Variants in STX2 observed in about 807,000 individuals in gnomAD.
The protein encoded by STX2 is syntaxin-2.
A neutral mutation model predicts 40.6 loss-of-function variants in STX2; 27 were observed. The observed-to-expected ratio is 0.66, with a 90% CI of 0.49 to 0.92. The LOEUF is 0.92. STX2 is among the 40% of genes least tolerant of loss of function. STX2 has a pLI of 0.00. For missense variants in STX2, 328 were observed against 366.1 expected (o/e 0.90, Z 0.85); for synonymous variants, 123 against 119.1 (o/e 1.03, Z -0.22).
At chr12:130,836,142 T>TGGGGC (rs1952750334) in intron 1 of STX2, among the ~76,000 whole-genome samples, 3 of 105,964 alleles carry the variant, frequency 2.8e-5, no homozygotes, top group Non-Finnish European at 3.7e-5. Context: ...ACACATTTCC[T>TGGGGC]GGGGCGGGGC....
intron 3 of STX2, among the ~76,000 whole-genome samples, chr12:130,815,355 C>A (rs865955104): frequency 1.3e-5 from 2 of 152,332 alleles, no homozygotes; most frequent in South Asian, 2.1e-4. Flanking sequence ...TGGCCTCCAT[C>A]CTCCTGTAGT....
chr12:130,805,432 C>A lies in STX2; in HGVS notation c.463+1550G>T, dbSNP rs193077471. On this transcript the variant is annotated intron_variant, in intron 6 of 10. Transcript: ENST00000392373. Reference sequence around the variant, plus strand: ...GTGGAGCCCAGGGGAAGTCCTAAGGCAAAGGCACAGAGCTCAGGGGAGACC... The same window carrying A: ...GTGGAGCCCAGGGGAAGTCCTAAGGAAAAGGCACAGAGCTCAGGGGAGACC... Among the ~76,000 whole-genome samples, 483 of 152,304 alleles carry A rather than the reference C, an allele frequency of 3.2e-3. 4 individuals carry two copies. Among genetic ancestry groups the A allele is most frequent in the South Asian group, 9.1e-3 (44 of 4,822 alleles).
Position 130,801,482 on chromosome 12 carries a change from C to A in STX2, c.470G>T (p.Arg157Ile), listed in dbSNP as rs74523053. The stretch of plus-strand genomic sequence containing the variant: ...TTCTAGCTCGTCGTCTGTGGTGGTT[C>A]TCCCAGCTGAAAGACCCGCAACCAC... ...RIQRQLEITGRTTTDDELEEM... is the reference protein window; with the variant it reads ...RIQRQLEITGITTTDDELEEM... The change falls in exon 7 of 11, where the codon AGA (arginine) becomes ATA (isoleucine). Residue 157 changes from arginine (R) to isoleucine (I), a missense_variant. Transcript: ENST00000392373. 6.2e-7 allele frequency: 1 copy of A among 1,600,022 alleles called. No homozygotes were observed. The highest frequency in any genetic ancestry group is 1.1e-5 in the South Asian group (1 of 88,460).
At chr12:130,837,707 G>A (rs996363016) in intron 1 of STX2, among the ~76,000 whole-genome samples, 2 of 152,144 alleles carry the variant, frequency 1.3e-5, no homozygotes, top group African/African-American at 2.4e-5. Flanking sequence ...GATTACAGGA[G>A]TGAGCCACAG....
chr12:130,829,078 C>G (rs905614901), intron 1 of STX2, among the ~76,000 whole-genome samples: 4 of 152,036 alleles, frequency 2.6e-5, no homozygotes, highest in Non-Finnish European at 5.9e-5. Flanking sequence ...TGTCAATCTT[C>G]CTGGTACCAC....
At chr12:130,814,604 T>C (rs1333394813) in intron 3 of STX2, among the ~76,000 whole-genome samples, 1 of 146,154 alleles carries the variant, frequency 6.8e-6, no homozygotes, top group Non-Finnish European at 1.5e-5. Context: ...AAGAAAGGCA[T>C]CAGCAAAGAT....
At chr12:130,827,474 TGGA>T (rs1952367425) in intron 1 of STX2, among the ~76,000 whole-genome samples, 2 of 152,296 alleles carry the variant, frequency 1.3e-5, no homozygotes, top group East Asian at 3.9e-4. Context: ...AGCCAGAAGG[TGGA>T]AGACCTGGAG....
At chr12:130,808,853 A>G in intron 4 of STX2, 149 bp from the exon 5 acceptor site, 1 of 696,702 alleles carries the variant, frequency 1.4e-6, no homozygotes, top group Non-Finnish European at 2.4e-6. Flanking sequence ...AATCTACTAA[A>G]AAGACAATCC....
intron 3 of STX2, among the ~76,000 whole-genome samples, chr12:130,820,598 G>A (rs935582182): frequency 1.1e-4 from 16 of 152,158 alleles, no homozygotes; most frequent in African/African-American, 2.4e-4. Flanking sequence ...CCCGGGAGGC[G>A]GAAGTTGCAG....
rs536021727 is a variant in STX2, at chr12:130,797,985, C to T, written c.786+540G>A. Among the ~76,000 whole-genome samples the T allele has an allele frequency of 1.2e-3, 182 of 152,354 alleles. 1 individual carries two copies. The highest frequency in any genetic ancestry group is 2.2e-3 in the Non-Finnish European group (152 of 68,038). On this transcript the variant is annotated intron_variant, in intron 9 of 10. Coordinates refer to ENST00000392373, the MANE Select transcript of STX2 (RefSeq NM_194356.4). ...ATTTGGTGCCAGGCACCGTGCCTCA[C>T]GCCTGTAATCCCAGCACTTTGGAAG...
intron 1 of STX2, among the ~76,000 whole-genome samples, chr12:130,829,026 T>C (rs1419891938): frequency 6.6e-6 from 1 of 152,044 alleles, no homozygotes; most frequent in Non-Finnish European, 1.5e-5. Flanking sequence ...ATATTGAGTG[T>C]CGGTTCCCAG....
chr12:130,792,859 G>T (rs1233211140), intron 10 of STX2, among the ~76,000 whole-genome samples: 1 of 152,160 alleles, frequency 6.6e-6, no homozygotes, highest in Non-Finnish European at 1.5e-5. Flanking sequence ...TGGAAGCAGG[G>T]TGCGACACAG....
intron 1 of STX2, among the ~76,000 whole-genome samples, chr12:130,830,909 T>C (rs1248280353): frequency 6.6e-6 from 1 of 152,216 alleles, no homozygotes; most frequent in Non-Finnish European, 1.5e-5. Context: ...ACATACTTGA[T>C]TTCCCAAGTG....
chr12:130,791,622 G>T lies in STX2; in HGVS notation c.*401C>A. The T allele has an allele frequency of 4.2e-5, 11 of 260,034 alleles. No individual in the cohort carries two copies. The highest frequency in any genetic ancestry group is 1.2e-4 in the South Asian group (1 of 8,052). The allele number at this position is 260,034 out of a possible 1,614,324, so 16.1% of individuals were successfully genotyped here. A position where few individuals can be genotyped will look rare whatever the true frequency, so the allele number is the denominator to read the frequency against. ...ACTGAAATATTTTTAATATTAAAAT[G>T]TTCAATATTTTCTTATTTCAAGGCC... On this transcript the variant is annotated 3_prime_UTR_variant, in exon 11 of 11. Transcript: ENST00000392373.
chr12:130,798,554 CTTTT>C lies in STX2; in HGVS notation c.753_756del (p.Lys252LeufsTer14), dbSNP rs777683300. The stretch of plus-strand genomic sequence containing the variant: ...CTTGCCTTGCTCTGATATTTGATAG[CTTTT>C]TTTGTTTCTTCTTTAGCGTGTTCTA... On this transcript the variant is annotated frameshift_variant, in exon 9 of 11. Transcript: ENST00000392373. LOFTEE classifies it high-confidence loss of function. The C allele has an allele frequency of 1.9e-6, 3 of 1,604,946 alleles. No individual in the cohort carries two copies. The highest frequency in any genetic ancestry group is 2.5e-6 in the Non-Finnish European group (3 of 1,177,514).
At chr12:130,823,553 G>A (rs1952193582) in intron 2 of STX2, among the ~76,000 whole-genome samples, 1 of 152,196 alleles carries the variant, frequency 6.6e-6, no homozygotes. Context: ...ACTTGATTGT[G>A]AAAACAGCAG....
intron 4 of STX2, among the ~76,000 whole-genome samples, chr12:130,809,785 C>T (rs1051117601): frequency 6.6e-6 from 1 of 152,162 alleles, no homozygotes; most frequent in Non-Finnish European, 1.5e-5. Context: ...CCATTGCACT[C>T]CAGCCTAGGC....
At chr12:130,813,749 T>C (rs12310780) in intron 3 of STX2, among the ~76,000 whole-genome samples, 9,654 of 151,734 alleles carry the variant, frequency 0.064, 405 homozygotes, top group Non-Finnish European at 0.093. Context: ...GTCTGCTCCA[T>C]GCCGCACACT....
intron 2 of STX2, 71 bp downstream of exon 2, chr12:130,827,122 G>A (rs1952347781): frequency 3.2e-6 from 2 of 619,808 alleles, no homozygotes; most frequent in East Asian, 4.8e-5. Context: ...GGGAAGAAAG[G>A]AGGGAGGGGT....
Sources: allele counts gnomAD v4.1 joint callset (sites outside exome capture counted in the v4.1 genomes callset), GRCh38; gene constraint gnomAD v4.1.1; transcripts MANE v1.5; gene names NCBI Gene and HGNC (gene_info 2026-07-23, HGNC 2026-07-21).